The following ASTN2 variants were observed in gnomAD, a reference collection of about 807,000 sequenced individuals.
ASTN2 encodes astrotactin 2, also known as astrotactin-2.
In ASTN2, 54 loss-of-function variants were observed where a neutral mutation model predicts 139.8. That is an observed-to-expected ratio of 0.39 (90% confidence interval 0.31 to 0.48). The LOEUF (loss-of-function observed/expected upper bound fraction) is 0.48, where lower values mean the gene tolerates loss of function less well. Ranked by LOEUF, ASTN2 falls within the 20% of genes least tolerant of loss-of-function variation. ASTN2 has a pLI of 0.95. For missense variants in ASTN2, 1,565 were observed against 1,725.1 expected (o/e 0.91, Z 1.64); for synonymous variants, 756 against 719.5 (o/e 1.05, Z -0.81).
rs898290444 is a variant in ASTN2, at chr9:116,423,836, T to C, written c.*2015A>G. ...AAAAATGCGCTCAATATGTAGGTTA[T>C]CAGGAAGGGGATTGTCAATCTCATC... On this transcript the variant is annotated 3_prime_UTR_variant, in exon 23 of 23. Transcript: ENST00000313400. Among the ~76,000 whole-genome samples, 2 of 152,198 alleles carry C rather than the reference T, an allele frequency of 1.3e-5. No individual in the cohort carries two copies. Among genetic ancestry groups the C allele is most frequent in the Non-Finnish European group, 2.9e-5 (2 of 68,036 alleles).
intron 19 of ASTN2, among the ~76,000 whole-genome samples, chr9:116,488,652 A>G (rs1378863438): frequency 6.6e-6 from 1 of 152,230 alleles, no homozygotes; most frequent in Non-Finnish European, 1.5e-5. Flanking sequence ...ATGTGAAGTT[A>G]AAAACAGGTT....
At chr9:117,258,239 G>A (rs1284492101) in intron 2 of ASTN2, among the ~76,000 whole-genome samples, 8 of 152,162 alleles carry the variant, frequency 5.3e-5, no homozygotes, top group East Asian at 1.9e-4. Flanking sequence ...ATGGGTCACC[G>A]GGAGAGGCCC....
At chr9:117,294,764 C>T (rs1001395483) in intron 1 of ASTN2, among the ~76,000 whole-genome samples, 3 of 152,202 alleles carry the variant, frequency 2.0e-5, no homozygotes, top group Non-Finnish European at 4.4e-5. Flanking sequence ...TCTTCACACA[C>T]TCCATCCCTG....
chr9:116,856,914 C>T (rs1832755016), intron 11 of ASTN2, among the ~76,000 whole-genome samples: 1 of 152,218 alleles, frequency 6.6e-6, no homozygotes, highest in Admixed American at 6.5e-5. Context: ...GACACCATCA[C>T]TCTAAGACCC....
At chr9:117,251,037 A>G (rs915341245) in intron 2 of ASTN2, among the ~76,000 whole-genome samples, 1 of 152,194 alleles carries the variant, frequency 6.6e-6, no homozygotes, top group African/African-American at 2.4e-5. Flanking sequence ...TGAATCAAGA[A>G]CAAGAAGGAG....
At chr9:117,131,613 A>T (rs1829829184) in intron 4 of ASTN2, among the ~76,000 whole-genome samples, 1 of 152,280 alleles carries the variant, frequency 6.6e-6, no homozygotes, top group South Asian at 2.1e-4. Flanking sequence ...ATTCTCTCTA[A>T]GGTTACTGCC....
At chr9:117,021,491 T>C (rs541830735) in intron 6 of ASTN2, among the ~76,000 whole-genome samples, 3 of 152,236 alleles carry the variant, frequency 2.0e-5, no homozygotes, top group African/African-American at 7.2e-5. Flanking sequence ...CTATAAAAGA[T>C]CAAACAAAGT....
intron 16 of ASTN2, among the ~76,000 whole-genome samples, chr9:116,703,728 A>AT (rs1338477184): frequency 3.9e-5 from 2 of 51,278 alleles, no homozygotes; most frequent in Non-Finnish European, 7.0e-5. Context: ...AAGTATAATA[A>AT]TAAAAAAAAA....
intron 2 of ASTN2, among the ~76,000 whole-genome samples, chr9:117,260,103 G>T (rs1833786611): frequency 6.6e-6 from 1 of 152,050 alleles, no homozygotes; most frequent in Admixed American, 6.6e-5. Flanking sequence ...AATTCTCATG[G>T]GCTTGGGGAG....
At position 117,010,815 on chromosome 9, in the gene ASTN2, G is replaced by A. The variant is rs1488718438; in HGVS notation, c.1424-2556C>T. Among the ~76,000 whole-genome samples, 7 of 152,276 alleles carry A rather than the reference G, an allele frequency of 4.6e-5. No individual in the cohort carries two copies. The East Asian group carries it at 1.4e-3, about 29-fold the overall frequency. On this transcript the variant is annotated intron_variant, in intron 6 of 22. Transcript: ENST00000313400. The stretch of plus-strand genomic sequence containing the variant: ...TCAGCTGATCCCATGGGGAGATCTG[G>A]GGCTGGGATGGTCCTTCAGTGATGT...
Position 116,976,156 on chromosome 9 carries a change from T to C in ASTN2, c.1709A>G (p.Tyr570Cys). 6.2e-7 allele frequency: 1 copy of C among 1,614,136 alleles called. No homozygotes were observed. Among genetic ancestry groups the C allele is most frequent in the Non-Finnish European group, 8.5e-7 (1 of 1,180,010 alleles). Residue 570 changes from tyrosine (Y) to cysteine (C), a missense_variant, in exon 9 of 23, where the codon TAT becomes TGT. Tyr to Cys is a radical substitution (Grantham distance 194, BLOSUM62 -2). Coordinates refer to ENST00000313400, the MANE Select transcript of ASTN2 (RefSeq NM_001365068.1). Reference protein sequence around the residue: ...PWPYTTLERGYDLVTGEQAPE... With the variant: ...PWPYTTLERGCDLVTGEQAPE... ...GGCTTGCTCCCCTGTCACCAGATCA[T>C]AGCCCCTCTCAAGTGTCGTGTAGGG...
intron 3 of ASTN2, chr9:117,181,031 G>C: frequency 6.4e-7 from 1 of 1,562,214 alleles, no homozygotes; most frequent in East Asian, 2.2e-5. Flanking sequence ...CACTGGGGTA[G>C]CGCAAGGTCA....
At chr9:117,313,571 G>C (rs1300746238) in intron 1 of ASTN2, among the ~76,000 whole-genome samples, 1 of 152,184 alleles carries the variant, frequency 6.6e-6, no homozygotes, top group Non-Finnish European at 1.5e-5. Flanking sequence ...GAATGGACAG[G>C]TGTTTACCAA....
At chr9:117,345,889 G>C (rs1189009483) in intron 1 of ASTN2, among the ~76,000 whole-genome samples, 1 of 151,334 alleles carries the variant, frequency 6.6e-6, no homozygotes, top group Non-Finnish European at 1.5e-5. Context: ...TTTCTTATTA[G>C]ACCTACTTAC....
chr9:117,270,913 T>C (rs1489815530), intron 2 of ASTN2, among the ~76,000 whole-genome samples: 1 of 152,238 alleles, frequency 6.6e-6, no homozygotes, highest in Admixed American at 6.5e-5. Flanking sequence ...ATGGTCCTCA[T>C]TGACCCATAC....
At chr9:116,955,609 T>C (rs893511335) in intron 10 of ASTN2, among the ~76,000 whole-genome samples, 3 of 152,240 alleles carry the variant, frequency 2.0e-5, no homozygotes, top group Non-Finnish European at 4.4e-5. Flanking sequence ...ACTGTGTGCT[T>C]GAGGCCCTGC....
intron 2 of ASTN2, among the ~76,000 whole-genome samples, chr9:117,289,621 A>T (rs562298987): frequency 6.6e-4 from 101 of 152,340 alleles, no homozygotes; most frequent in Middle Eastern, 3.4e-3. Context: ...TCACTCTCAA[A>T]TGTTAAAGGA....
chr9:117,360,601 G>A (rs747574160), intron 1 of ASTN2, among the ~76,000 whole-genome samples: 2 of 152,110 alleles, frequency 1.3e-5, no homozygotes, highest in Non-Finnish European at 2.9e-5. Flanking sequence ...ATAACATATC[G>A]TATGAGCTGT....
chr9:116,707,484 T>C (rs1021003170), intron 16 of ASTN2, among the ~76,000 whole-genome samples: 2 of 151,968 alleles, frequency 1.3e-5, no homozygotes, highest in Admixed American at 6.6e-5. Context: ...CTTACACATA[T>C]GAGCAGGATC....
Sources: gnomAD v4.1 joint callset for allele counts (sites outside exome capture counted in the v4.1 genomes callset) on GRCh38, gnomAD v4.1.1 for gene constraint, MANE v1.5 for transcripts, NCBI Gene and HGNC (gene_info 2026-07-23, HGNC 2026-07-21) for gene names.